MGAT5: variants seen among roughly 807,000 people sequenced by gnomAD.
The protein encoded by MGAT5 is alpha-1,6-mannosylglycoprotein 6-beta-N-acetylglucosaminyltransferase A.
A neutral mutation model predicts 94.3 loss-of-function variants in MGAT5; 30 were observed. The observed-to-expected ratio is 0.32, with a 90% CI of 0.24 to 0.43. The LOEUF (loss-of-function observed/expected upper bound fraction) is 0.43, where lower values mean the gene tolerates loss of function less well. Among genes scored for constraint, MGAT5 ranks in the 20% least tolerant of loss-of-function variants. The pLI is 1.00. For missense variants in MGAT5, 691 were observed against 905.5 expected, an observed-to-expected ratio of 0.76 and a Z score of 3.04; for synonymous variants, 310 against 322.9, an observed-to-expected ratio of 0.96 and a Z score of 0.43.
chr2:134,255,525 A>T (rs549552165), intron 1 of MGAT5, among the ~76,000 whole-genome samples: 1 of 151,240 alleles, frequency 6.6e-6, no homozygotes, highest in Non-Finnish European at 1.5e-5. Flanking sequence ...ATATACACAC[A>T]CATATATATA....
rs948068312 is a variant in MGAT5, at chr2:134,360,553, T to A, written c.1247-1722T>A. The stretch of plus-strand genomic sequence containing the variant: ...GTAAATTTTCTGAAAATAAAAAAAA[T>A]TTAAAAACACCTGATCCTGAAGTAT... On this transcript the variant is annotated intron_variant, in intron 9 of 15. Transcript: ENST00000281923. Among the ~76,000 whole-genome samples the A allele has an allele frequency of 5.0e-5, 6 of 119,268 alleles. No homozygotes were observed. In the East Asian group the frequency reaches 6.7e-4, roughly 13 times the overall value. 78.2% of individuals were successfully genotyped at this position (119,268 alleles called of 152,430 possible).
intron 1 of MGAT5, among the ~76,000 whole-genome samples, chr2:134,233,592 A>T (rs1423001176): frequency 6.6e-6 from 1 of 152,184 alleles, no homozygotes; most frequent in Non-Finnish European, 1.5e-5. Flanking sequence ...GCAAAGGCAG[A>T]TCTTAATGTA....
intron 1 of MGAT5, among the ~76,000 whole-genome samples, chr2:134,217,238 GGTGTGTGTGT>G (rs35795776): frequency 2.8e-5 from 4 of 145,112 alleles, no homozygotes; most frequent in Non-Finnish European, 6.0e-5. Flanking sequence ...GAGAGAGAGT[GGTGTGTGTGT>G]GTGTGTGTGT....
At chr2:134,160,680 G>C (rs1335778657) in intron 1 of MGAT5, among the ~76,000 whole-genome samples, 2 of 152,244 alleles carry the variant, frequency 1.3e-5, no homozygotes, top group African/African-American at 4.8e-5. Context: ...ACAAAGGGTG[G>C]AGAGTAGCTA....
At chr2:134,217,153 T>C (rs1253750981) in intron 1 of MGAT5, among the ~76,000 whole-genome samples, 2 of 151,956 alleles carry the variant, frequency 1.3e-5, no homozygotes, top group African/African-American at 2.4e-5. Flanking sequence ...GGTTTTTGGG[T>C]ATGATTTTCA....
intron 1 of MGAT5, among the ~76,000 whole-genome samples, chr2:134,258,674 G>A (rs528640132): frequency 2.5e-4 from 38 of 152,310 alleles, no homozygotes; most frequent in Non-Finnish European, 3.5e-4. Flanking sequence ...ATTCGCTCAC[G>A]ACATCTTCAT....
intron 10 of MGAT5, among the ~76,000 whole-genome samples, chr2:134,372,086 G>C (rs1354332663): frequency 6.6e-6 from 1 of 152,120 alleles, no homozygotes; most frequent in African/African-American, 2.4e-5. Context: ...TCCAACAGGT[G>C]CTCCAAACAG....
chr2:134,264,371 C>A (rs187990637), intron 1 of MGAT5, among the ~76,000 whole-genome samples: 1 of 152,230 alleles, frequency 6.6e-6, no homozygotes, highest in East Asian at 1.9e-4. Flanking sequence ...TTTATCCATC[C>A]ACTTAACAAA....
intron 1 of MGAT5, among the ~76,000 whole-genome samples, chr2:134,207,201 C>A (rs563599484): frequency 2.6e-5 from 4 of 152,112 alleles, no homozygotes; most frequent in Admixed American, 2.6e-4. Context: ...TTCCCTCTTC[C>A]GCATTTAAGG....
At chr2:134,169,387 T>C (rs1377466903) in intron 1 of MGAT5, among the ~76,000 whole-genome samples, 1 of 138,668 alleles carries the variant, frequency 7.2e-6, no homozygotes, top group African/African-American at 2.7e-5. Flanking sequence ...AATTTAAAAA[T>C]ACACACACAC....
intron 4 of MGAT5, among the ~76,000 whole-genome samples, chr2:134,322,383 G>A (rs988128993): frequency 1.3e-5 from 2 of 152,100 alleles, no homozygotes; most frequent in South Asian, 2.1e-4. Flanking sequence ...AATTGACAAC[G>A]TTTGTATGTA....
intron 1 of MGAT5, among the ~76,000 whole-genome samples, chr2:134,246,444 T>C (rs1466191218): frequency 6.6e-6 from 1 of 152,210 alleles, no homozygotes; most frequent in Non-Finnish European, 1.5e-5. Flanking sequence ...AGAAAGCTGC[T>C]TTGCCTGTCC....
At chr2:134,386,069 A>G (rs1681953048) in intron 10 of MGAT5, among the ~76,000 whole-genome samples, 1 of 152,196 alleles carries the variant, frequency 6.6e-6, no homozygotes, top group Admixed American at 6.5e-5. Flanking sequence ...TGATCCGGTG[A>G]CAAATTCTCA....
intron 10 of MGAT5, among the ~76,000 whole-genome samples, chr2:134,383,738 G>A (rs1221040457): frequency 6.8e-6 from 1 of 147,306 alleles, no homozygotes; most frequent in African/African-American, 2.5e-5. Context: ...CAGTCTCACT[G>A]TGTCGCCCAG....
At chr2:134,303,028 T>G (rs1686117999) in intron 2 of MGAT5, among the ~76,000 whole-genome samples, 1 of 152,146 alleles carries the variant, frequency 6.6e-6, no homozygotes, top group Non-Finnish European at 1.5e-5. Flanking sequence ...CTCTTTTCTC[T>G]TTTCTACCTC....
At chr2:134,283,049 C>T (rs1684796761) in intron 2 of MGAT5, among the ~76,000 whole-genome samples, 1 of 151,426 alleles carries the variant, frequency 6.6e-6, no homozygotes, top group Non-Finnish European at 1.5e-5. Flanking sequence ...CTGCTAGGCT[C>T]AAACTAGACT....
At chr2:134,216,491 G>C (rs1295386128) in intron 1 of MGAT5, among the ~76,000 whole-genome samples, 1 of 152,188 alleles carries the variant, frequency 6.6e-6, no homozygotes, top group Non-Finnish European at 1.5e-5. Flanking sequence ...ATGGAGTCCA[G>C]GTTTTTCTGT....
intron 1 of MGAT5, among the ~76,000 whole-genome samples, chr2:134,266,205 C>CTTTAT (rs1193115244): frequency 2.0e-5 from 3 of 147,500 alleles, no homozygotes; most frequent in South Asian, 2.2e-4. Context: ...ACTGTTATTT[C>CTTTAT]TTTATTTTAT....
chr2:134,432,078 C>A (rs1057093094), intron 14 of MGAT5, among the ~76,000 whole-genome samples: 5 of 152,202 alleles, frequency 3.3e-5, no homozygotes, highest in Non-Finnish European at 5.9e-5. Flanking sequence ...CTGTTGTTCC[C>A]TATCCTCAGT....
Sources: gnomAD v4.1 joint callset for allele counts (sites outside exome capture counted in the v4.1 genomes callset) on GRCh38, gnomAD v4.1.1 for gene constraint, MANE v1.5 for transcripts, NCBI Gene and HGNC (gene_info 2026-07-23, HGNC 2026-07-21) for gene names.